Variants in NIPAL2 observed in about 807,000 individuals in gnomAD.
The protein encoded by NIPAL2 is NIPA like domain containing 2, also known as NIPA-like protein 2.
Under a neutral mutation model 48.9 loss-of-function variants are expected in NIPAL2, and 43 were observed. That is an observed-to-expected ratio of 0.88 (90% CI 0.69 to 1.13). NIPAL2 has a LOEUF of 1.13. Ranked by LOEUF, NIPAL2 falls within the 50% of genes most tolerant of loss-of-function variation. NIPAL2 has a pLI of 0.00. For synonymous variants in NIPAL2, 167 were observed against 174.6 expected (o/e 0.96, Z 0.34); for missense variants, 446 against 461.4 (o/e 0.97, Z 0.31).
chr8:98,255,277 G>A (rs1813820543), intron 1 of NIPAL2, among the ~76,000 whole-genome samples: 1 of 152,070 alleles, frequency 6.6e-6, no homozygotes, highest in Non-Finnish European at 1.5e-5. Context: ...TCCCATCTAG[G>A]TCCAAAAGTA....
At chr8:98,246,607 A>C (rs1486727765) in intron 3 of NIPAL2, among the ~76,000 whole-genome samples, 1 of 152,190 alleles carries the variant, frequency 6.6e-6, no homozygotes, top group African/African-American at 2.4e-5. Context: ...TGAGGTAATG[A>C]GTTTATGTGT....
At chr8:98,287,632 G>A (rs1249310896) in intron 1 of NIPAL2, among the ~76,000 whole-genome samples, 2 of 152,076 alleles carry the variant, frequency 1.3e-5, no homozygotes, top group Non-Finnish European at 2.9e-5. Flanking sequence ...GTGTTTATTG[G>A]GTACTTGCTA....
intron 4 of NIPAL2, among the ~76,000 whole-genome samples, chr8:98,228,849 G>T (rs1390296635): frequency 6.6e-6 from 1 of 152,218 alleles, no homozygotes; most frequent in Non-Finnish European, 1.5e-5. Context: ...GAATTGGCTG[G>T]TGTTTTCTCA....
At chr8:98,203,483 A>G (rs190013440) in intron 7 of NIPAL2, among the ~76,000 whole-genome samples, 12 of 152,360 alleles carry the variant, frequency 7.9e-5, no homozygotes, top group African/African-American at 2.9e-4. Context: ...CTGCTGGACC[A>G]GTATCACACT....
At chr8:98,286,528 G>T (rs972978029) in intron 1 of NIPAL2, among the ~76,000 whole-genome samples, 10 of 152,168 alleles carry the variant, frequency 6.6e-5, no homozygotes, top group Admixed American at 2.0e-4. Context: ...CCTTGTTGAG[G>T]CTAGGCATGG....
rs996844871 is a variant in NIPAL2 at position 98,284,842 on chromosome 8, T to C, written c.135+9161A>G. Among the ~76,000 whole-genome samples, 6 of 152,244 alleles carry C rather than the reference T, an allele frequency of 3.9e-5. No homozygotes were observed. The East Asian group carries it at 1.2e-3, about 29-fold the overall frequency. The stretch of plus-strand genomic sequence containing the variant: ...AAGTCAGCTAAATGCACTAAACTTG[T>C]CCTACCTACTGAAGAGGTGTTTGTT... On this transcript the variant is annotated intron_variant, in intron 1 of 10. Transcript: ENST00000430223.
rs148072653 is a variant in NIPAL2, at chr8:98,258,951, A to T, written c.136-4864T>A. Among the ~76,000 whole-genome samples, 1,286 of 152,166 alleles carry T rather than the reference A, an allele frequency of 8.5e-3. 23 individuals carry two copies. The highest frequency in any genetic ancestry group is 0.028 in the African/African-American group (1,172 of 41,488). Reference sequence around the variant, plus strand: ...TTTAACAGTCTGCGTATTAAAAAAAATGGTGGCAGGATTTGGCAATAATTT... The same window carrying T: ...TTTAACAGTCTGCGTATTAAAAAAATTGGTGGCAGGATTTGGCAATAATTT... On this transcript the variant is annotated intron_variant, in intron 1 of 10. Transcript: ENST00000430223.
chr8:98,224,133 T>C (rs188955783), intron 4 of NIPAL2, among the ~76,000 whole-genome samples: 1 of 152,296 alleles, frequency 6.6e-6, no homozygotes, highest in East Asian at 1.9e-4. Context: ...CTATTAACTT[T>C]CTTGTATTTA....
intron 3 of NIPAL2, among the ~76,000 whole-genome samples, chr8:98,247,536 A>G (rs543816205): frequency 2.0e-5 from 3 of 152,288 alleles, no homozygotes; most frequent in South Asian, 2.1e-4. Flanking sequence ...CGCATCTCAC[A>G]CCTTGTTGAT....
chr8:98,253,558 A>T (rs565715283), intron 2 of NIPAL2, among the ~76,000 whole-genome samples: 6 of 152,290 alleles, frequency 3.9e-5, no homozygotes, highest in African/African-American at 1.4e-4. Context: ...TGTATTCTAC[A>T]TTCTTTCCTC....
At chr8:98,285,107 TCC>T in intron 1 of NIPAL2, among the ~76,000 whole-genome samples, 1 of 152,146 alleles carries the variant, frequency 6.6e-6, no homozygotes, top group South Asian at 2.1e-4. Context: ...ACTGTTCAGG[TCC>T]CACCAACAAA....
intron 3 of NIPAL2, among the ~76,000 whole-genome samples, chr8:98,242,434 A>T (rs1345347826): frequency 6.8e-6 from 1 of 146,468 alleles, no homozygotes; most frequent in Non-Finnish European, 1.5e-5. Flanking sequence ...TGATTCTCCT[A>T]CTTTGGCCTT....
chr8:98,194,886 T>G (rs1271744677), intron 9 of NIPAL2, 64 bp from the exon 10 acceptor site: 3 of 929,902 alleles, frequency 3.2e-6, no homozygotes, highest in Non-Finnish European at 4.7e-6. Context: ...ATTAAATAAC[T>G]GAGCTCCATA....
intron 2 of NIPAL2, 31 bp downstream of exon 2, chr8:98,253,988 A>C (rs2130832871): frequency 6.7e-7 from 1 of 1,481,836 alleles, no homozygotes; most frequent in South Asian, 1.1e-5. Flanking sequence ...GGATCAATCT[A>C]TAGTGTTAGA....
At chr8:98,235,946 A>T (rs942161041) in intron 4 of NIPAL2, among the ~76,000 whole-genome samples, 1 of 151,940 alleles carries the variant, frequency 6.6e-6, no homozygotes, top group Non-Finnish European at 1.5e-5. Flanking sequence ...AAAATTGATC[A>T]CATTTAGCAG....
At chr8:98,280,761 T>TATATAGAGAGAGAGAGAGAG in intron 1 of NIPAL2, among the ~76,000 whole-genome samples, 73 of 30,004 alleles carry the variant, frequency 2.4e-3, no homozygotes, top group Admixed American at 3.6e-3. Flanking sequence ...TATATATATA[T>TATATAGAGAGAGAGAGAGAG]AGAGAGAGAG....
intron 8 of NIPAL2, among the ~76,000 whole-genome samples, chr8:98,197,432 G>A (rs904870687): frequency 4.6e-5 from 7 of 152,182 alleles, no homozygotes; most frequent in Non-Finnish European, 8.8e-5. Flanking sequence ...TGATCAGGGT[G>A]GTGGTTGCTG....
chr8:98,197,530 G>T lies in NIPAL2; in HGVS notation c.881-1525C>A, dbSNP rs184686062. ...TAACTCTTTCATGAAAGATTTCTTT[G>T]TAGCATGCCATACTGTTTGACAGCA... On this transcript the variant is annotated intron_variant, in intron 8 of 10. Transcript: ENST00000430223. Among the ~76,000 whole-genome samples, 246 of 152,310 alleles carry T rather than the reference G, an allele frequency of 1.6e-3. 5 individuals are homozygous for T. The highest frequency in any genetic ancestry group is 5.4e-3 in the African/African-American group (223 of 41,564).
chr8:98,193,008 C>G lies in NIPAL2; in HGVS notation c.1122G>C (p.Lys374Asn), dbSNP rs1221901209. 1 of 1,613,830 alleles carries G rather than the reference C, an allele frequency of 6.2e-7. No individual in the cohort carries two copies. Among genetic ancestry groups the G allele is most frequent in the South Asian group, 1.1e-5 (1 of 91,076 alleles). Residue 374 changes from lysine (K) to asparagine (N), a missense_variant, in exon 11 of 11, where the codon AAG becomes AAC. Lys to Asn is a moderately conservative substitution (Grantham distance 94). Transcript: ENST00000430223. Reference protein sequence around the residue: ...GTLPDGSDSTKSQSGEKKEV With the variant: ...GTLPDGSDSTNSQSGEKKEV ...CCTCTTTCTTCTCTCCACTTTGGCT[C>G]TTTGTTGAGTCACTTCCATCAGGCA...
Sources: allele counts gnomAD v4.1 joint callset (sites outside exome capture counted in the v4.1 genomes callset), GRCh38; gene constraint gnomAD v4.1.1; transcripts MANE v1.5; gene names NCBI Gene and HGNC (gene_info 2026-07-23, HGNC 2026-07-21).